GPR158: variants seen among roughly 807,000 people sequenced by gnomAD.
The protein encoded by GPR158 is metabotropic glycine receptor.
In GPR158, 30 loss-of-function variants were observed where a neutral mutation model predicts 78.2. The observed-to-expected ratio is 0.38, with a 90% CI of 0.29 to 0.52. The LOEUF (loss-of-function observed/expected upper bound fraction) is 0.52, where lower values mean the gene tolerates loss of function less well. Among genes scored for constraint, GPR158 ranks in the 20% least tolerant of loss-of-function variants. The pLI, the probability that GPR158 is intolerant of heterozygous loss-of-function variation, is 0.83. For synonymous variants in GPR158, 581 were observed against 591.1 expected (o/e 0.98, Z 0.25); for missense variants, 1,463 against 1,523.5 (o/e 0.96, Z 0.66).
At chr10:25,254,127 T>G (rs1853856365) in intron 2 of GPR158, among the ~76,000 whole-genome samples, 1 of 152,202 alleles carries the variant, frequency 6.6e-6, no homozygotes, top group Non-Finnish European at 1.5e-5. Context: ...TTAAGGTTTA[T>G]TCTACTGCTT....
chr10:25,299,781 A>G (rs2130773355), intron 2 of GPR158, among the ~76,000 whole-genome samples: 1 of 152,302 alleles, frequency 6.6e-6, no homozygotes, highest in Admixed American at 6.5e-5. Context: ...TGAAAAGTTT[A>G]ACTTACCTTA....
At chr10:25,358,268 G>C (rs1855579982) in intron 2 of GPR158, among the ~76,000 whole-genome samples, 1 of 152,036 alleles carries the variant, frequency 6.6e-6, no homozygotes, top group South Asian at 2.1e-4. Flanking sequence ...GTGGACTTTG[G>C]AGTTAATGCT....
chr10:25,246,370 CTG>C (rs895912791), intron 2 of GPR158, among the ~76,000 whole-genome samples: 1 of 152,152 alleles, frequency 6.6e-6, no homozygotes, highest in Non-Finnish European at 1.5e-5. Context: ...TAAATCATCA[CTG>C]TTTCTTGGTT....
chr10:25,279,560 C>A (rs73608254), intron 2 of GPR158, among the ~76,000 whole-genome samples: 7,134 of 152,066 alleles, frequency 0.047, 574 homozygotes, highest in African/African-American at 0.16. Flanking sequence ...GAAATAAAGA[C>A]AGTTATTTAA....
chr10:25,575,740 T>C (rs984180225), intron 7 of GPR158, among the ~76,000 whole-genome samples: 1 of 152,054 alleles, frequency 6.6e-6, no homozygotes, highest in Non-Finnish European at 1.5e-5. Flanking sequence ...TCAAATCCTC[T>C]TTTCATACCT....
At chr10:25,571,581 T>A (rs1837009596) in intron 6 of GPR158, among the ~76,000 whole-genome samples, 1 of 152,230 alleles carries the variant, frequency 6.6e-6, no homozygotes, top group African/African-American at 2.4e-5. Context: ...ACTCTCACAG[T>A]ATCATAAACC....
chr10:25,354,808 G>A (rs1285046799), intron 2 of GPR158, among the ~76,000 whole-genome samples: 3 of 152,062 alleles, frequency 2.0e-5, no homozygotes, highest in Non-Finnish European at 2.9e-5. Flanking sequence ...AAGGATATTT[G>A]AAGGATAGCT....
chr10:25,178,555 C>T (rs938349227), intron 1 of GPR158, among the ~76,000 whole-genome samples: 1 of 152,186 alleles, frequency 6.6e-6, no homozygotes, highest in African/African-American at 2.4e-5. Context: ...TTTTTTCACT[C>T]TGTTTAGAAA....
intron 2 of GPR158, among the ~76,000 whole-genome samples, chr10:25,350,160 A>T (rs1855439012): frequency 6.6e-6 from 1 of 152,020 alleles, no homozygotes; most frequent in Non-Finnish European, 1.5e-5. Context: ...GATCATCTTA[A>T]TTGGGTTGAC....
chr10:25,380,048 G>A (rs148123362), intron 2 of GPR158, among the ~76,000 whole-genome samples: 179 of 151,630 alleles, frequency 1.2e-3, no homozygotes, highest in Non-Finnish European at 2.0e-3. Flanking sequence ...ACAAACTATT[G>A]TTTCATAGAA....
At chr10:25,527,639 A>G (rs1262748816) in intron 5 of GPR158, among the ~76,000 whole-genome samples, 2 of 152,132 alleles carry the variant, frequency 1.3e-5, no homozygotes, top group Non-Finnish European at 2.9e-5. Flanking sequence ...AATATGAACT[A>G]TGATTCTACC....
intron 2 of GPR158, among the ~76,000 whole-genome samples, chr10:25,294,822 G>T (rs995217829): frequency 6.6e-6 from 1 of 152,146 alleles, no homozygotes; most frequent in Non-Finnish European, 1.5e-5. Flanking sequence ...AGGTTAGACT[G>T]GGGCAAGACA....
At chr10:25,257,343 A>G (rs1853903018) in intron 2 of GPR158, among the ~76,000 whole-genome samples, 1 of 152,210 alleles carries the variant, frequency 6.6e-6, no homozygotes, top group South Asian at 2.1e-4. Flanking sequence ...CATTTCCAAC[A>G]CATGAACTTT....
chr10:25,298,276 T>C (rs1457314567), intron 2 of GPR158, among the ~76,000 whole-genome samples: 1 of 152,208 alleles, frequency 6.6e-6, no homozygotes, highest in Non-Finnish European at 1.5e-5. Context: ...TGTGTTTGTT[T>C]GGTTAACTTA....
chr10:25,386,189 C>T (rs562143783), intron 2 of GPR158, among the ~76,000 whole-genome samples: 32 of 152,206 alleles, frequency 2.1e-4, no homozygotes, highest in African/African-American at 6.3e-4. Context: ...TTCCATTTTC[C>T]AAATACCACC....
chr10:25,472,876 A>C (rs12413446), intron 5 of GPR158, among the ~76,000 whole-genome samples: 23,178 of 152,112 alleles, frequency 0.15, 2,033 homozygotes, highest in East Asian at 0.25. Flanking sequence ...GAGTTTTCTA[A>C]ATATACAATC....
At chr10:25,204,818 G>GGTTTTT (rs1483084808) in intron 1 of GPR158, among the ~76,000 whole-genome samples, 27 of 118,964 alleles carry the variant, frequency 2.3e-4, no homozygotes, top group African/African-American at 9.2e-4. Context: ...GTCTCTGAGG[G>GGTTTTT]TTTTTTTTTT....
intron 5 of GPR158, among the ~76,000 whole-genome samples, chr10:25,509,605 A>G (rs2130667453): frequency 6.6e-6 from 1 of 152,246 alleles, no homozygotes; most frequent in South Asian, 2.1e-4. Flanking sequence ...ACCTATGTGT[A>G]TTTTCTGTGT....
At chr10:25,445,874 T>A (rs1835133254) in intron 4 of GPR158, among the ~76,000 whole-genome samples, 1 of 151,906 alleles carries the variant, frequency 6.6e-6, no homozygotes, top group African/African-American at 2.4e-5. Context: ...AAGGAACAGG[T>A]TTGAATGGAC....
Sources: allele counts gnomAD v4.1 joint callset (sites outside exome capture counted in the v4.1 genomes callset), GRCh38; gene constraint gnomAD v4.1.1; transcripts MANE v1.5; gene names NCBI Gene and HGNC (gene_info 2026-07-23, HGNC 2026-07-21).